Variants in MORC3 observed in about 807,000 individuals in gnomAD.
MORC3 encodes the protein MORC family CW-type zinc finger protein 3.
A neutral mutation model predicts 109.1 loss-of-function variants in MORC3; 31 were observed. The observed-to-expected ratio is 0.28, with a 90% CI of 0.21 to 0.38. The LOEUF (loss-of-function observed/expected upper bound fraction) is 0.38, where lower values mean the gene tolerates loss of function less well. Among genes scored for constraint, MORC3 ranks in the 10% least tolerant of loss-of-function variants. MORC3 has a pLI of 1.00. For missense variants in MORC3, 867 were observed against 1,135.8 expected, an observed-to-expected ratio of 0.76 and a Z score of 3.40; for synonymous variants, 395 against 380.7, an observed-to-expected ratio of 1.04 and a Z score of -0.44.
At chr21:36,374,437 C>T (rs1347177992) in intron 16 of MORC3, among the ~76,000 whole-genome samples, 3 of 152,070 alleles carry the variant, frequency 2.0e-5, no homozygotes, top group Admixed American at 6.5e-5. Flanking sequence ...GTTTTGCAAG[C>T]TTATTTGACC....
intron 9 of MORC3, among the ~76,000 whole-genome samples, chr21:36,355,413 C>T (rs535771379): frequency 6.6e-6 from 1 of 152,238 alleles, no homozygotes; most frequent in South Asian, 2.1e-4. Context: ...TCATCCAGGC[C>T]TTCTATTTGT....
In MORC3 at chr21:36,369,137, T is replaced by TACTC; in HGVS notation, c.1770_1771insCTCA (p.Asp591LeufsTer4). The TACTC allele has an allele frequency of 6.2e-7, 1 of 1,614,058 alleles. No homozygotes were observed. Among genetic ancestry groups the TACTC allele is most frequent in the South Asian group, 1.1e-5 (1 of 91,072 alleles). On this transcript the variant is annotated frameshift_variant, in exon 15 of 17. Coordinates refer to ENST00000400485, the MANE Select transcript of MORC3 (RefSeq NM_015358.3). LOFTEE classifies it high-confidence loss of function. ...GAAAACAGTACCCCCAAACCTGCAG[T>TACTC]AGATCATGATATTGACATGAAATCA...
At position 36,362,209 on chromosome 21, in the gene MORC3, A is replaced by G; in HGVS notation, c.1433A>G (p.Gln478Arg). The stretch of plus-strand genomic sequence containing the variant: ...AACAAGGAAAAATTCAGGATCAGAC[A>G]ACCGGAAATGATCCCTCGGGTAATT... ...KTNKEKFRIR[Q>R]PEMIPRINAE... The change falls in exon 13 of 17, where the codon CAA (glutamine) becomes CGA (arginine). Residue 478 changes from glutamine (Q) to arginine (R), a missense_variant. Transcript: ENST00000400485. 6.2e-7 allele frequency: 1 copy of G among 1,612,442 alleles called. No individual in the cohort carries two copies. Among genetic ancestry groups the G allele is most frequent in the Non-Finnish European group, 8.5e-7 (1 of 1,179,554 alleles).
At chr21:36,348,660 C>T (rs1336787372) in intron 8 of MORC3, among the ~76,000 whole-genome samples, 4 of 152,182 alleles carry the variant, frequency 2.6e-5, no homozygotes, top group Non-Finnish European at 4.4e-5. Flanking sequence ...CTGCCCACCT[C>T]GGCTTCCCAA....
chr21:36,345,570 TGCCGCCAC>T (rs1192605267), intron 8 of MORC3, among the ~76,000 whole-genome samples: 1 of 151,932 alleles, frequency 6.6e-6, no homozygotes, highest in Non-Finnish European at 1.5e-5. Context: ...TACAGGCACG[TGCCGCCAC>T]GCCTGGCTAA....
intron 1 of MORC3, among the ~76,000 whole-genome samples, chr21:36,326,264 C>T (rs1005604854): frequency 6.6e-6 from 1 of 151,812 alleles, no homozygotes; most frequent in Admixed American, 6.6e-5. Flanking sequence ...TGGCTCATGC[C>T]TGTAATCCCA....
chr21:36,329,734 T>G (rs945550248), intron 1 of MORC3, among the ~76,000 whole-genome samples: 1 of 152,152 alleles, frequency 6.6e-6, no homozygotes, highest in African/African-American at 2.4e-5. Flanking sequence ...AGGAAAGAAA[T>G]AAAAATAATT....
chr21:36,356,833 A>G (rs533593303), intron 10 of MORC3, 109 bp downstream of exon 10: 8 of 619,730 alleles, frequency 1.3e-5, no homozygotes, highest in Non-Finnish European at 2.1e-5. Context: ...ACTCATAGGA[A>G]TAAATTCTGC....
At position 36,344,524 on chromosome 21, in the gene MORC3, T is replaced by G. The variant is rs2085486597; in HGVS notation, c.757-55T>G. 5 of 1,566,038 alleles carry G rather than the reference T, an allele frequency of 3.2e-6. No homozygotes were observed. In the African/African-American group the frequency reaches 4.1e-5, roughly 13 times the overall value. On this transcript the variant is annotated intron_variant, in intron 6 of 16. Transcript: ENST00000400485. Reference sequence around the variant, plus strand: ...GAGAGCTTCTGTGTAAATCCATGTCTAAGTAATGGTGAGCAAACCTGTAGA... The same window carrying G: ...GAGAGCTTCTGTGTAAATCCATGTCGAAGTAATGGTGAGCAAACCTGTAGA...
chr21:36,370,007 A>G, intron 15 of MORC3, 131 bp downstream of exon 15: 1 of 997,974 alleles, frequency 1.0e-6, no homozygotes. Flanking sequence ...CGGGTGGGTC[A>G]GTCACTTGAG....
chr21:36,356,522 G>A lies in MORC3; in HGVS notation c.1104-98G>A, dbSNP rs2085647068. Reference sequence around the variant, plus strand: ...TTCTTTATTAACTATATGTTTTGGAGTTTTTTCTCTTCACAGTGTCTATGT... The same window carrying A: ...TTCTTTATTAACTATATGTTTTGGAATTTTTTCTCTTCACAGTGTCTATGT... On this transcript the variant is annotated intron_variant, in intron 9 of 16. Coordinates refer to ENST00000400485, the MANE Select transcript of MORC3 (RefSeq NM_015358.3). The A allele has an allele frequency of 4.7e-6, 3 of 640,902 alleles. No homozygotes were observed. In the South Asian group the frequency reaches 7.7e-5, roughly 16 times the overall value. 39.7% of individuals were successfully genotyped at this position (640,902 alleles called of 1,614,324 possible).
At chr21:36,343,268 C>T (rs2085470853) in intron 6 of MORC3, among the ~76,000 whole-genome samples, 1 of 150,610 alleles carries the variant, frequency 6.6e-6, no homozygotes, top group Non-Finnish European at 1.5e-5. Flanking sequence ...GCTAATTTTG[C>T]ATTTTTAGTA....
chr21:36,334,446 A>G (rs1197296213), intron 2 of MORC3, among the ~76,000 whole-genome samples: 1 of 152,154 alleles, frequency 6.6e-6, no homozygotes, highest in Non-Finnish European at 1.5e-5. Flanking sequence ...TTATAAAAGT[A>G]AACAGTGAGA....
At chr21:36,328,906 T>TTAA (rs1555904794) in intron 1 of MORC3, among the ~76,000 whole-genome samples, 2 of 139,238 alleles carry the variant, frequency 1.4e-5, no homozygotes, top group Non-Finnish European at 1.6e-5. Context: ...GCTGATGAGG[T>TTAA]AAAAAAAAAA....
chr21:36,340,439 A>G lies in MORC3; in HGVS notation c.609-960A>G, dbSNP rs550109034. Among the ~76,000 whole-genome samples the G allele has an allele frequency of 1.9e-3, 286 of 152,084 alleles. 1 individual carries two copies. Among genetic ancestry groups the G allele is most frequent in the African/African-American group, 6.3e-3 (260 of 41,494 alleles). ...CCCTCATAACCCCACTCCCTCCTTA[A>G]TCCGTGGCAACCTCTAATCTGTTCT... On this transcript the variant is annotated intron_variant, in intron 5 of 16. Coordinates refer to ENST00000400485, the MANE Select transcript of MORC3 (RefSeq NM_015358.3).
chr21:36,357,110 A>G (rs1329575185), intron 10 of MORC3, among the ~76,000 whole-genome samples: 1 of 152,212 alleles, frequency 6.6e-6, no homozygotes. Context: ...GGCCTCTTGT[A>G]AGCCTCCATT....
intron 2 of MORC3, among the ~76,000 whole-genome samples, chr21:36,334,818 A>G (rs765848750): frequency 3.9e-5 from 6 of 152,036 alleles, no homozygotes; most frequent in African/African-American, 7.2e-5. Flanking sequence ...ATGGGTCATG[A>G]TTTTTTTCTT....
chr21:36,370,091 G>C (rs1358201095), intron 15 of MORC3, among the ~76,000 whole-genome samples: 2 of 152,084 alleles, frequency 1.3e-5, no homozygotes, highest in African/African-American at 4.8e-5. Context: ...AATTAGCCTA[G>C]CGTGGTGGTG....
intron 10 of MORC3, 137 bp from the exon 11 acceptor site, chr21:36,359,818 T>C: frequency 2.3e-6 from 3 of 1,301,228 alleles, no homozygotes; most frequent in Non-Finnish European, 3.2e-6. Flanking sequence ...CCCAGCCTAA[T>C]TTTGAAAGAG....
Sources: allele counts gnomAD v4.1 joint callset (sites outside exome capture counted in the v4.1 genomes callset), GRCh38; gene constraint gnomAD v4.1.1; transcripts MANE v1.5; gene names NCBI Gene and HGNC (gene_info 2026-07-23, HGNC 2026-07-21).